SDK1: variants seen among roughly 807,000 people sequenced by gnomAD.
SDK1 encodes sidekick cell adhesion molecule 1, also known as protein sidekick-1.
Under a neutral mutation model 245.5 loss-of-function variants are expected in SDK1, and 157 were observed. The ratio of observed to expected loss-of-function variants is 0.64; its 90% CI spans 0.56 to 0.73. The LOEUF (loss-of-function observed/expected upper bound fraction) is 0.73, where lower values mean the gene tolerates loss of function less well. Ranked by LOEUF, SDK1 falls within the 30% of genes least tolerant of loss-of-function variation. SDK1 has a pLI of 0.00. For missense variants in SDK1, 3,583 were observed against 3,002.3 expected (o/e 1.19, Z -4.52); for synonymous variants, 1,647 against 1,278.5 (o/e 1.29, Z -6.15).
chr7:3,559,034 C>T (rs527238188), intron 1 of SDK1, among the ~76,000 whole-genome samples: 25 of 152,150 alleles, frequency 1.6e-4, no homozygotes, highest in African/African-American at 5.1e-4. Flanking sequence ...CTGTTGCATA[C>T]AGGATGTATT....
chr7:4,110,987 C>T (rs572757247), intron 23 of SDK1, among the ~76,000 whole-genome samples: 1 of 152,214 alleles, frequency 6.6e-6, no homozygotes, highest in Admixed American at 6.5e-5. Context: ...CATGAGGCTC[C>T]TTCTATCAGT....
At chr7:3,943,812 A>C (rs1392015260) in intron 5 of SDK1, among the ~76,000 whole-genome samples, 10 of 152,144 alleles carry the variant, frequency 6.6e-5, no homozygotes, top group African/African-American at 2.4e-4. Context: ...TCTATGAGTA[A>C]AGAGGTTCAT....
chr7:3,378,983 G>A (rs1781419184), intron 1 of SDK1, among the ~76,000 whole-genome samples: 2 of 152,100 alleles, frequency 1.3e-5, no homozygotes, highest in South Asian at 4.1e-4. Flanking sequence ...GACTTGCTCA[G>A]CTCTTCCAGC....
intron 1 of SDK1, among the ~76,000 whole-genome samples, chr7:3,575,151 C>T (rs1330519392): frequency 6.6e-6 from 1 of 152,038 alleles, no homozygotes; most frequent in Non-Finnish European, 1.5e-5. Flanking sequence ...GCTGGGAAAT[C>T]AGAGTTCAAA....
chr7:3,588,053 C>T (rs376233674), intron 1 of SDK1, among the ~76,000 whole-genome samples: 22 of 152,302 alleles, frequency 1.4e-4, no homozygotes, highest in African/African-American at 4.6e-4. Flanking sequence ...TAGGGATGTT[C>T]AGCATTTCAA....
intron 28 of SDK1, among the ~76,000 whole-genome samples, chr7:4,141,154 G>T (rs1779560737): frequency 6.6e-6 from 1 of 152,220 alleles, no homozygotes; most frequent in African/African-American, 2.4e-5. Context: ...AGGCCCACGT[G>T]GGGCAGTGAA....
At chr7:3,480,304 C>G (rs547219183) in intron 1 of SDK1, among the ~76,000 whole-genome samples, 2 of 152,182 alleles carry the variant, frequency 1.3e-5, no homozygotes, top group African/African-American at 4.8e-5. Flanking sequence ...ATGTGAAAAC[C>G]TAAGGAAATG....
chr7:4,221,274 A>C lies in SDK1; in HGVS notation c.5737A>C (p.Lys1913Gln), dbSNP rs965883551. 7 of 1,613,712 alleles carry C rather than the reference A, an allele frequency of 4.3e-6. No individual in the cohort carries two copies. The East Asian group carries it at 1.6e-4, about 36-fold the overall frequency. Reference sequence around the variant, plus strand: ...CTCGCCTAGAGATGTCCTGGTCACCAAGTCCGCCTCTGAACTGACGCTGCA... The same window carrying C: ...CTCGCCTAGAGATGTCCTGGTCACCCAGTCCGCCTCTGAACTGACGCTGCA... Reference protein sequence around the residue: ...PGSPRDVLVTKSASELTLQWT... With the variant: ...PGSPRDVLVTQSASELTLQWT... Residue 1913 changes from lysine (K) to glutamine (Q), a missense_variant, in exon 40 of 45, where the codon AAG (lysine) becomes CAG (glutamine). By Grantham distance (53) the Lys-to-Gln change is moderately conservative. Transcript: ENST00000404826.
chr7:3,369,110 T>A (rs1467417859), intron 1 of SDK1, among the ~76,000 whole-genome samples: 1 of 152,140 alleles, frequency 6.6e-6, no homozygotes, highest in Admixed American at 6.5e-5. Context: ...AATGGTGTGA[T>A]ATTGGCTCAC....
At chr7:4,107,207 G>A (rs1209067716) in intron 22 of SDK1, among the ~76,000 whole-genome samples, 1 of 151,752 alleles carries the variant, frequency 6.6e-6, no homozygotes. Context: ...GAGTCGCTTA[G>A]CAAAGGTGAA....
intron 40 of SDK1, among the ~76,000 whole-genome samples, chr7:4,224,798 T>C (rs1475459300): frequency 6.6e-6 from 1 of 151,482 alleles, no homozygotes; most frequent in Non-Finnish European, 1.5e-5. Context: ...CTGACCAACA[T>C]GGTGAAACCC....
chr7:3,328,724 C>G (rs1328467769), intron 1 of SDK1, among the ~76,000 whole-genome samples: 1 of 151,892 alleles, frequency 6.6e-6, no homozygotes, highest in African/African-American at 2.4e-5. Context: ...TACTTATGTG[C>G]CTTAGAAATC....
intron 17 of SDK1, among the ~76,000 whole-genome samples, chr7:4,031,814 G>T (rs1315771098): frequency 6.6e-6 from 1 of 151,884 alleles, no homozygotes. Flanking sequence ...ATCACCTGAG[G>T]TCAAGAGTTC....
At chr7:3,526,476 A>G (rs1486292995) in intron 1 of SDK1, among the ~76,000 whole-genome samples, 1 of 152,214 alleles carries the variant, frequency 6.6e-6, no homozygotes, top group Non-Finnish European at 1.5e-5. Flanking sequence ...TATAACATAT[A>G]GTTTCCATGT....
intron 44 of SDK1, among the ~76,000 whole-genome samples, chr7:4,252,649 T>G (rs1787380925): frequency 6.6e-6 from 1 of 152,204 alleles, no homozygotes; most frequent in Non-Finnish European, 1.5e-5. Context: ...GATTTTTATG[T>G]AGGGTAATAT....
intron 1 of SDK1, among the ~76,000 whole-genome samples, chr7:3,390,290 T>C (rs1781715741): frequency 6.6e-6 from 1 of 152,206 alleles, no homozygotes; most frequent in Non-Finnish European, 1.5e-5. Flanking sequence ...TCATATTTAT[T>C]CATTTAGAAT....
intron 28 of SDK1, among the ~76,000 whole-genome samples, chr7:4,139,848 G>C (rs1369363651): frequency 1.3e-5 from 2 of 152,068 alleles, no homozygotes; most frequent in Non-Finnish European, 2.9e-5. Flanking sequence ...GCCCTGCGCT[G>C]TCTGGGCTGT....
At chr7:4,164,670 C>A (rs1456553174) in intron 32 of SDK1, among the ~76,000 whole-genome samples, 1 of 152,210 alleles carries the variant, frequency 6.6e-6, no homozygotes, top group Non-Finnish European at 1.5e-5. Flanking sequence ...TGGGATGCGT[C>A]ACCTCCTCCA....
chr7:3,507,588 T>A (rs1782432666), intron 1 of SDK1, among the ~76,000 whole-genome samples: 1 of 152,182 alleles, frequency 6.6e-6, no homozygotes, highest in Non-Finnish European at 1.5e-5. Context: ...ATTTAACCTG[T>A]TATTTTATAG....
Sources: allele counts gnomAD v4.1 joint callset (sites outside exome capture counted in the v4.1 genomes callset), GRCh38; gene constraint gnomAD v4.1.1; transcripts MANE v1.5; gene names NCBI Gene and HGNC (gene_info 2026-07-23, HGNC 2026-07-21).